INO80: variants seen among roughly 807,000 people sequenced by gnomAD.
The protein encoded by INO80 is INO80 complex ATPase subunit.
In INO80, 20 loss-of-function variants were observed where a neutral mutation model predicts 203.4. That is an observed-to-expected ratio of 0.10 (90% CI 0.07 to 0.14). The LOEUF (loss-of-function observed/expected upper bound fraction) is 0.14, where lower values mean the gene tolerates loss of function less well. Among genes scored for constraint, INO80 ranks in the 10% least tolerant of loss-of-function variants. The probability of loss-of-function intolerance (pLI) is 1.00; values close to 1 mark genes in which losing one functional copy is unlikely to be tolerated. For synonymous variants in INO80, 726 were observed against 685.2 expected, an observed-to-expected ratio of 1.06 and a Z score of -0.93; for missense variants, 1,419 against 1,914.4, an observed-to-expected ratio of 0.74 and a Z score of 4.83.
intron 22 of INO80, among the ~76,000 whole-genome samples, 198 bp downstream of exon 22, chr15:41,048,014 T>A (rs923786728): frequency 6.6e-6 from 1 of 152,308 alleles, no homozygotes; most frequent in East Asian, 1.9e-4. Flanking sequence ...TATTTTCTAC[T>A]TTTTCCTCTC....
chr15:40,993,328 G>T (rs2043839478), intron 29 of INO80, among the ~76,000 whole-genome samples: 1 of 151,798 alleles, frequency 6.6e-6, no homozygotes, highest in Non-Finnish European at 1.5e-5. Context: ...TATTCCTTAA[G>T]AAACCATAGA....
intron 24 of INO80, among the ~76,000 whole-genome samples, chr15:41,039,960 G>A (rs2044642774): frequency 6.6e-6 from 1 of 152,174 alleles, no homozygotes; most frequent in Non-Finnish European, 1.5e-5. Flanking sequence ...GAGAAATAGA[G>A]TACGAATGTT....
At chr15:41,064,713 C>T (rs907036428) in intron 14 of INO80, among the ~76,000 whole-genome samples, 5 of 152,086 alleles carry the variant, frequency 3.3e-5, no homozygotes, top group African/African-American at 1.2e-4. Flanking sequence ...AAGAAAAAAG[C>T]TGGCTGGGCA....
chr15:41,009,953 C>T (rs903435580), intron 27 of INO80, among the ~76,000 whole-genome samples: 2 of 152,104 alleles, frequency 1.3e-5, no homozygotes, highest in South Asian at 2.1e-4. Flanking sequence ...AATTCTTACA[C>T]GGAACCCCTC....
chr15:40,995,324 G>A (rs2043867579), intron 29 of INO80, among the ~76,000 whole-genome samples: 1 of 152,238 alleles, frequency 6.6e-6, no homozygotes. Flanking sequence ...CCAGGTGGAA[G>A]AGGAGACTCA....
intron 31 of INO80, among the ~76,000 whole-genome samples, chr15:40,985,727 T>C (rs557494101): frequency 6.6e-6 from 1 of 152,038 alleles, no homozygotes; most frequent in Non-Finnish European, 1.5e-5. Context: ...CGGGCCAACA[T>C]AGTGAAACCC....
chr15:41,058,389 G>A (rs1390234902), intron 16 of INO80, among the ~76,000 whole-genome samples: 1 of 152,124 alleles, frequency 6.6e-6, no homozygotes, highest in Non-Finnish European at 1.5e-5. Flanking sequence ...ATATTGGACG[G>A]GTGGCTCATC....
chr15:41,071,088 G>A (rs942673703), intron 12 of INO80, among the ~76,000 whole-genome samples: 5 of 152,180 alleles, frequency 3.3e-5, no homozygotes, highest in Non-Finnish European at 7.3e-5. Flanking sequence ...AGGGTCACTT[G>A]AGCCCAGGAG....
At chr15:41,053,898 G>C (rs1368595361) in intron 19 of INO80, 31 bp downstream of exon 19, 1 of 1,550,456 alleles carries the variant, frequency 6.4e-7, no homozygotes, top group Non-Finnish European at 8.9e-7. Context: ...TGCCTATTGA[G>C]GCTTAAACAC....
intron 29 of INO80, among the ~76,000 whole-genome samples, chr15:40,995,710 T>C (rs765558378): frequency 6.6e-6 from 1 of 152,114 alleles, no homozygotes; most frequent in African/African-American, 2.4e-5. Context: ...ATTGAGAGTA[T>C]GACTATGCTG....
At chr15:41,041,263 A>AT (rs1454397720) in intron 24 of INO80, among the ~76,000 whole-genome samples, 2 of 150,928 alleles carry the variant, frequency 1.3e-5, no homozygotes, top group East Asian at 3.9e-4. Context: ...TAATTTTTGT[A>AT]TTTTTCTGGT....
chr15:40,988,116 T>C lies in INO80; in HGVS notation c.3571-142A>G, dbSNP rs897104175. The stretch of plus-strand genomic sequence containing the variant: ...ATGATATTGAGCTAAGTAAGATACA[T>C]CTTAGAAGATACAAAGCCGTTCCTT... On this transcript the variant is annotated intron_variant, in intron 29 of 35. Transcript: ENST00000648947. The C allele has an allele frequency of 8.4e-4, 503 of 596,068 alleles. 4 individuals are homozygous for C. The highest frequency in any genetic ancestry group is 1.3e-3 in the Non-Finnish European group (440 of 346,720). 36.9% of individuals were successfully genotyped at this position (596,068 alleles called of 1,614,324 possible).
intron 25 of INO80, chr15:41,023,479 C>A (rs1248641246): frequency 1.1e-5 from 4 of 350,642 alleles, no homozygotes; most frequent in Non-Finnish European, 2.3e-5. Context: ...TTAGTCTTCT[C>A]TAGTAAGACT....
rs1266775815 is a variant in INO80 at position 40,980,071 on chromosome 15, C to T, written c.*152G>A. On this transcript the variant is annotated 3_prime_UTR_variant, in exon 36 of 36. Transcript: ENST00000648947. The stretch of plus-strand genomic sequence containing the variant: ...ATGAGACACAGATGATAAAAGTGCT[C>T]ACACCATCCACCTGCCTGTCCTTCC... 4.4e-6 allele frequency: 3 copies of T among 678,126 alleles called. No individual in the cohort carries two copies. The highest frequency in any genetic ancestry group is 5.2e-5 in the East Asian group (2 of 38,258). 42.0% of individuals were successfully genotyped at this position (678,126 alleles called of 1,614,324 possible). A position where few individuals can be genotyped will look rare whatever the true frequency, so the allele number is the denominator to read the frequency against.
intron 35 of INO80, among the ~76,000 whole-genome samples, chr15:40,981,735 C>T (rs1312373511): frequency 6.6e-6 from 1 of 152,222 alleles, no homozygotes; most frequent in Non-Finnish European, 1.5e-5. Flanking sequence ...TCATCCTTCA[C>T]ATATCACGGT....
At chr15:41,045,271 T>A (rs2044735863) in intron 23 of INO80, among the ~76,000 whole-genome samples, 196 bp from the exon 24 acceptor site, 1 of 152,050 alleles carries the variant, frequency 6.6e-6, no homozygotes, top group East Asian at 1.9e-4. Flanking sequence ...AAAACTAAAA[T>A]CCTCCGCAAA....
intron 31 of INO80, among the ~76,000 whole-genome samples, chr15:40,986,041 G>C (rs896122356): frequency 1.2e-4 from 18 of 152,280 alleles, no homozygotes; most frequent in African/African-American, 4.3e-4. Flanking sequence ...TGGCAAATGT[G>C]AACTTACTTT....
chr15:41,056,980 T>G (rs2044998141), intron 16 of INO80, among the ~76,000 whole-genome samples: 1 of 152,216 alleles, frequency 6.6e-6, no homozygotes, highest in African/African-American at 2.4e-5. Flanking sequence ...CTTTATAAAC[T>G]CTTCTATTAT....
intron 15 of INO80, among the ~76,000 whole-genome samples, chr15:41,059,389 C>G (rs1012585250): frequency 1.3e-5 from 2 of 151,086 alleles, no homozygotes; most frequent in African/African-American, 4.9e-5. Context: ...CTTTGGGAGG[C>G]CGAGGCAGGA....
Sources: allele counts gnomAD v4.1 joint callset (sites outside exome capture counted in the v4.1 genomes callset), GRCh38; gene constraint gnomAD v4.1.1; transcripts MANE v1.5; gene names NCBI Gene and HGNC (gene_info 2026-07-23, HGNC 2026-07-21).